Variants in DLC1 observed in about 807,000 individuals in gnomAD.
DLC1 encodes rho GTPase-activating protein 7.
DLC1 carries 54 observed loss-of-function variants against 140.3 expected under a neutral mutation model. That is an observed-to-expected ratio of 0.38 (90% CI 0.31 to 0.48). The LOEUF is 0.48. Among genes scored for constraint, DLC1 ranks in the 20% least tolerant of loss-of-function variants. The pLI is 0.96. For synonymous variants in DLC1, 986 were observed against 728.1 expected, an observed-to-expected ratio of 1.35 and a Z score of -5.70; for missense variants, 2,536 against 1,907.0, an observed-to-expected ratio of 1.33 and a Z score of -6.14.
At chr8:13,194,193 A>G (rs1242665371) in intron 5 of DLC1, among the ~76,000 whole-genome samples, 4 of 152,174 alleles carry the variant, frequency 2.6e-5, no homozygotes, top group African/African-American at 7.2e-5. Context: ...TTTCCAGTAA[A>G]CTAAGGTCCT....
intron 2 of DLC1, among the ~76,000 whole-genome samples, chr8:13,447,646 A>C (rs910159379): frequency 2.0e-5 from 3 of 152,208 alleles, no homozygotes; most frequent in African/African-American, 7.2e-5. Context: ...ATATTTCTGA[A>C]AAGATTTTGT....
intron 4 of DLC1, among the ~76,000 whole-genome samples, chr8:13,370,903 G>A (rs1021482705): frequency 6.6e-6 from 1 of 152,090 alleles, no homozygotes; most frequent in African/African-American, 2.4e-5. Context: ...CCACAACACA[G>A]CCACACAGTC....
At chr8:13,172,487 A>C (rs80354912) in intron 5 of DLC1, among the ~76,000 whole-genome samples, 15,284 of 152,298 alleles carry the variant, frequency 0.1, 825 homozygotes, top group South Asian at 0.16. Flanking sequence ...CATATACATA[A>C]ACTCAGATCA....
chr8:13,208,536 T>G (rs1269373491), intron 5 of DLC1, among the ~76,000 whole-genome samples: 1 of 152,208 alleles, frequency 6.6e-6, no homozygotes, highest in Non-Finnish European at 1.5e-5. Context: ...TAGTCTTCCT[T>G]TCTTTGGTGC....
At chr8:13,561,269 A>G (rs957171638) in intron 1 of DLC1, among the ~76,000 whole-genome samples, 1 of 151,976 alleles carries the variant, frequency 6.6e-6, no homozygotes, top group African/African-American at 2.4e-5. Context: ...AGAGGTGCAC[A>G]CCTGGCTAAG....
At position 13,092,922 on chromosome 8, in the gene DLC1, C is replaced by A. The variant is rs1818199572; in HGVS notation, c.3527-97G>T. 4 of 1,330,542 alleles carry A rather than the reference C, an allele frequency of 3.0e-6. No homozygotes were observed. The East Asian group carries it at 7.6e-5, about 25-fold the overall frequency. The allele number at this position is 1,330,542 out of a possible 1,614,324, so 82.4% of individuals were successfully genotyped here. On this transcript the variant is annotated intron_variant, in intron 12 of 17. Coordinates refer to ENST00000276297, the MANE Select transcript of DLC1 (RefSeq NM_182643.3). ...CAAATATCGGCATCAAATACCTCAG[C>A]CCAGTACTGAACAAGCACTTGTAGA...
chr8:13,388,691 C>T (rs995363159), intron 4 of DLC1, among the ~76,000 whole-genome samples: 27 of 151,768 alleles, frequency 1.8e-4, no homozygotes, highest in Non-Finnish European at 3.4e-4. Context: ...AATATATGTA[C>T]ACACACAAGG....
At chr8:13,552,166 T>C (rs2046182) in intron 1 of DLC1, among the ~76,000 whole-genome samples, 100,753 of 103,242 alleles carry the variant, frequency 0.98, 49,207 homozygotes, top group Non-Finnish European at 0.99. Context: ...CATATATATA[T>C]CTGTCTAGAG....
chr8:13,132,410 G>GAAA (rs1400740771), intron 5 of DLC1, among the ~76,000 whole-genome samples: 3 of 151,916 alleles, frequency 2.0e-5, no homozygotes, highest in Admixed American at 6.6e-5. Flanking sequence ...CAAGTTTTTG[G>GAAA]TGAACTTTCA....
chr8:13,393,125 AGTCT>A (rs141513976), intron 4 of DLC1, among the ~76,000 whole-genome samples: 1,639 of 152,122 alleles, frequency 0.011, 8 homozygotes, highest in Non-Finnish European at 0.017. Flanking sequence ...TCAATCAATC[AGTCT>A]ATCTGTCCAT....
Position 13,379,200 on chromosome 8 carries a change from C to T in DLC1, c.1314+14353G>A, listed in dbSNP as rs79473733. 2.7e-3 allele frequency among the ~76,000 whole-genome samples: 404 copies of T among 152,236 alleles called. 1 individual carries two copies. Among genetic ancestry groups the T allele is most frequent in the African/African-American group, 8.8e-3 (366 of 41,544 alleles). ...TTGGGGCCTGTTTCCTGTGTCCATG[C>T]TGCTGAAAAGTCAGAATTTGTTCTT... On this transcript the variant is annotated intron_variant, in intron 4 of 17. Coordinates refer to ENST00000276297, the MANE Select transcript of DLC1 (RefSeq NM_182643.3).
intron 4 of DLC1, among the ~76,000 whole-genome samples, chr8:13,308,145 A>C (rs1486086847): frequency 6.6e-6 from 1 of 152,218 alleles, no homozygotes; most frequent in Non-Finnish European, 1.5e-5. Context: ...TGTGTAATTA[A>C]ATATTTAATA....
At chr8:13,331,410 C>G (rs1391405038) in intron 4 of DLC1, among the ~76,000 whole-genome samples, 1 of 152,010 alleles carries the variant, frequency 6.6e-6, no homozygotes, top group East Asian at 1.9e-4. Context: ...ATAAGTCTGG[C>G]TCAATAAAGG....
At chr8:13,582,671 A>G (rs879203258) in intron 1 of DLC1, among the ~76,000 whole-genome samples, 4 of 151,664 alleles carry the variant, frequency 2.6e-5, no homozygotes, top group Admixed American at 2.6e-4. Flanking sequence ...GTGAGTTAAT[A>G]CTTAATAAAC....
intron 1 of DLC1, among the ~76,000 whole-genome samples, chr8:13,555,737 A>G (rs1368753612): frequency 6.6e-6 from 1 of 151,872 alleles, no homozygotes; most frequent in Admixed American, 6.6e-5. Context: ...CCTGGCCTCA[A>G]GTGATCCTCT....
intron 4 of DLC1, among the ~76,000 whole-genome samples, chr8:13,383,553 G>T (rs1836369562): frequency 6.6e-6 from 1 of 152,276 alleles, no homozygotes; most frequent in Admixed American, 6.5e-5. Flanking sequence ...ATGGCACATT[G>T]TCACATTGTG....
intron 4 of DLC1, among the ~76,000 whole-genome samples, chr8:13,361,754 A>T (rs1835237120): frequency 6.6e-6 from 1 of 152,202 alleles, no homozygotes; most frequent in Non-Finnish European, 1.5e-5. Context: ...CTGTTAGGGT[A>T]AGAAAAAGTA....
In DLC1 at chr8:13,499,030, A is replaced by T. The variant is rs1051051678; in HGVS notation, c.1023+19T>A. 3.2e-6 allele frequency: 5 copies of T among 1,560,158 alleles called. No individual in the cohort carries two copies. The African/African-American group carries it at 5.5e-5, about 17-fold the overall frequency. ...TTTACAAAATTTCAAAAGCCAGAGA[A>T]TCTGTGCATATGTCTTACCTTTCTC... On this transcript the variant is annotated intron_variant, in intron 2 of 17. Coordinates refer to ENST00000276297, the MANE Select transcript of DLC1 (RefSeq NM_182643.3).
chr8:13,446,573 G>A (rs1798784619), intron 2 of DLC1, among the ~76,000 whole-genome samples: 1 of 150,650 alleles, frequency 6.6e-6, no homozygotes, highest in Non-Finnish European at 1.5e-5. Context: ...AGGAAAGGAA[G>A]GAAAAAAGAG....
Sources: allele counts gnomAD v4.1 joint callset (sites outside exome capture counted in the v4.1 genomes callset), GRCh38; gene constraint gnomAD v4.1.1; transcripts MANE v1.5; gene names NCBI Gene and HGNC (gene_info 2026-07-23, HGNC 2026-07-21).